Variants in TF observed in about 807,000 individuals in gnomAD.
TF encodes serotransferrin.
TF carries 55 observed loss-of-function variants against 82.4 expected under a neutral mutation model. The observed-to-expected ratio is 0.67, with a 90% confidence interval of 0.54 to 0.84. TF has a LOEUF of 0.84. Among genes scored for constraint, TF ranks in the 40% least tolerant of loss-of-function variants. The pLI is 0.00. For synonymous variants in TF, 332 were observed against 332.6 expected (o/e 1.00, Z 0.02); for missense variants, 737 against 868.4 (o/e 0.85, Z 1.90).
In TF at chr3:133,746,428, C is replaced by A. The variant is rs756317237; in HGVS notation, c.-13C>A. Reference sequence around the variant, plus strand: ...GTCCGACTGTGCTCGCTGCTCAGCGCCGCACCCGGAAGATGAGGCTCGCCG... The same window carrying A: ...GTCCGACTGTGCTCGCTGCTCAGCGACGCACCCGGAAGATGAGGCTCGCCG... On this transcript the variant is annotated 5_prime_UTR_variant, in exon 1 of 17. Coordinates refer to ENST00000402696, the MANE Select transcript of TF (RefSeq NM_001063.4). 3 of 1,597,450 alleles carry A rather than the reference C, an allele frequency of 1.9e-6. No homozygotes were observed. The South Asian group carries it at 3.4e-5, about 18-fold the overall frequency.
At chr3:133,768,382 G>A (rs982387517) in intron 13 of TF, among the ~76,000 whole-genome samples, 1 of 152,182 alleles carries the variant, frequency 6.6e-6, no homozygotes, top group Admixed American at 6.5e-5. Context: ...CTTGTGTTTG[G>A]TACAGTTTAG....
chr3:133,775,302 G>A, intron 14 of TF, 131 bp from the exon 15 acceptor site: 1 of 881,928 alleles, frequency 1.1e-6, no homozygotes, highest in Non-Finnish European at 1.9e-6. Flanking sequence ...CCACATCACT[G>A]TAACCCCAGT....
intron 14 of TF, chr3:133,773,125 T>C (rs919376776): frequency 2.6e-5 from 4 of 151,974 alleles, no homozygotes; most frequent in Admixed American, 6.6e-5. Context: ...CTATGGTATA[T>C]ACAAGAAGGA....
chr3:133,754,408 C>A, intron 3 of TF, 87 bp from the exon 4 acceptor site: 1 of 1,402,068 alleles, frequency 7.1e-7, no homozygotes, highest in Non-Finnish European at 1.0e-6. Context: ...CCTCTCCGCT[C>A]CCCTCCCTCC....
At chr3:133,714,679 T>G in the TF span, among the ~76,000 whole-genome samples, 10,975 of 150,338 alleles carry the variant, frequency 0.073, 538 homozygotes, top group East Asian at 0.23. Flanking sequence ...TGAGTTGTTT[T>G]TTTGTTTGTT....
At chr3:133,694,467 A>C in the TF span, 1 of 152,688 alleles carries the variant, frequency 6.5e-6, no homozygotes, top group South Asian at 2.1e-4. Context: ...ATCAGTGAGA[A>C]ATCTGGGGTC....
At chr3:133,756,001 T>A (rs1191456974) in intron 5 of TF, among the ~76,000 whole-genome samples, 1 of 152,220 alleles carries the variant, frequency 6.6e-6, no homozygotes, top group Non-Finnish European at 1.5e-5. Flanking sequence ...GGAGACACTA[T>A]ACCATTATCT....
the TF span, among the ~76,000 whole-genome samples, chr3:133,720,019 T>A: frequency 6.6e-6 from 1 of 152,174 alleles, no homozygotes. Context: ...TAGGGTTGTC[T>A]TTATATAGGA....
At chr3:133,699,413 G>T in the TF span, 1 of 1,117,626 alleles carries the variant, frequency 8.9e-7, no homozygotes, top group Non-Finnish European at 1.2e-6. Flanking sequence ...TGGCTCTCCT[G>T]CGTTAGGCTC....
chr3:133,670,282 C>G, the TF span, among the ~76,000 whole-genome samples: 3 of 152,196 alleles, frequency 2.0e-5, no homozygotes, highest in African/African-American at 7.2e-5. Context: ...TTGGGAAGCA[C>G]TTAGTACAAT....
chr3:133,705,840 A>G, the TF span, among the ~76,000 whole-genome samples: 1 of 152,228 alleles, frequency 6.6e-6, no homozygotes, highest in South Asian at 2.1e-4. Flanking sequence ...GGAAAGCTTA[A>G]AAACAAATAA....
upstream of TF, chr3:133,746,387 G>A (rs1366817524): frequency 3.2e-6 from 5 of 1,564,640 alleles, no homozygotes; most frequent in Admixed American, 9.3e-5. Context: ...GGGCGCCGGA[G>A]GCTGCACAGA....
At chr3:133,728,587 C>CTTGGAGTAGTTTGAT in the TF span, among the ~76,000 whole-genome samples, 1 of 152,136 alleles carries the variant, frequency 6.6e-6, no homozygotes, top group African/African-American at 2.4e-5. Flanking sequence ...AACTTCTTTG[C>CTTGGAGTAGTTTGAT]CTTTGGTTTG....
rs763086171 is a variant in TF, at chr3:133,784,471, A to AAAATAAT, written c.*5853_*5854insATAATAA. 1.9e-5 allele frequency: 2 copies of AAAATAAT among 105,602 alleles called. No individual in the cohort carries two copies. Among genetic ancestry groups the AAAATAAT allele is most frequent in the African/African-American group, 7.5e-5 (2 of 26,570 alleles). 6.5% of individuals were successfully genotyped at this position (105,602 alleles called of 1,614,324 possible). On this transcript the variant is annotated 3_prime_UTR_variant, in exon 17 of 17. Coordinates refer to ENST00000402696, the MANE Select transcript of TF (RefSeq NM_001063.4). ...TCTTGTAAATTCCCATTTGTTAAAAAAATAATAATAATAATAATAATAATA... is the reference window on the plus strand; with the variant it reads ...TCTTGTAAATTCCCATTTGTTAAAAAAAATAATAATAATAATAATAATAATAATAATA...
At chr3:133,766,257 T>C in intron 11 of TF, 21 bp from the exon 12 acceptor site, 2 of 1,613,874 alleles carry the variant, frequency 1.2e-6, no homozygotes. Flanking sequence ...AATACATCCT[T>C]TTCTGGTGTC....
chr3:133,694,401 G>A, the TF span: 2 of 152,820 alleles, frequency 1.3e-5, no homozygotes, highest in Non-Finnish European at 2.9e-5. Flanking sequence ...TCAGCCTGAT[G>A]TTGGGGAGAC....
rs8177220 is a variant in TF, at chr3:133,754,781, G to C, written c.502+110G>C. ...GCAGACATGTGGGATGAACTCAGGTGGGGGAAAGAGGTTAACAGACTTTAA... is the reference window on the plus strand; with the variant it reads ...GCAGACATGTGGGATGAACTCAGGTCGGGGAAAGAGGTTAACAGACTTTAA... On this transcript the variant is annotated intron_variant, in intron 4 of 16. Coordinates refer to ENST00000402696, the MANE Select transcript of TF (RefSeq NM_001063.4). The C allele has an allele frequency of 1.2e-3, 1,467 of 1,213,600 alleles. 13 individuals carry two copies. The highest frequency in any genetic ancestry group is 1.5e-4 in the Non-Finnish European group (122 of 818,188). The allele number at this position is 1,213,600 out of a possible 1,614,324, so 75.2% of individuals were successfully genotyped here.
Position 133,775,473 on chromosome 3 carries a change from A to T in TF, c.1728A>T (p.Lys576Asn), listed in dbSNP as rs751475450. 1.2e-6 allele frequency: 2 copies of T among 1,614,114 alleles called. No individual in the cohort carries two copies. Among genetic ancestry groups the T allele is most frequent in the Non-Finnish European group, 1.7e-6 (2 of 1,180,048 alleles). The part of the protein sequence containing the change: ...PDPWAKNLNE[K>N]DYELLCLDGT... Reference sequence around the variant, plus strand: ...CATGGGCTAAGAATCTGAATGAAAAAGACTATGAGTTGCTGTGCCTTGATG... The same window carrying T: ...CATGGGCTAAGAATCTGAATGAAAATGACTATGAGTTGCTGTGCCTTGATG... The change falls in exon 15 of 17, where the codon AAA becomes AAT. Residue 576 changes from lysine (K) to asparagine (N), a missense_variant. Physicochemically the swap from Lys to Asn is moderately conservative, Grantham distance 94. Coordinates refer to ENST00000402696, the MANE Select transcript of TF (RefSeq NM_001063.4).
At chr3:133,738,278 A>T in the TF span, among the ~76,000 whole-genome samples, 1,004 of 152,294 alleles carry the variant, frequency 6.6e-3, 8 homozygotes, top group African/African-American at 0.022. Context: ...CATGCTAAAA[A>T]CTCGCAATAA....
Sources: allele counts gnomAD v4.1 joint callset (sites outside exome capture counted in the v4.1 genomes callset), GRCh38; gene constraint gnomAD v4.1.1; transcripts MANE v1.5; gene names NCBI Gene and HGNC (gene_info 2026-07-23, HGNC 2026-07-21).